AHNAK2: variants seen among roughly 807,000 people sequenced by gnomAD.
AHNAK2 encodes the protein protein AHNAK2.
Under a neutral mutation model 30.7 loss-of-function variants are expected in AHNAK2, and 18 were observed. The observed-to-expected ratio is 0.59, with a 90% CI of 0.41 to 0.87. AHNAK2 has a LOEUF of 0.87. Ranked by LOEUF, AHNAK2 falls within the 40% of genes least tolerant of loss-of-function variation. The probability of loss-of-function intolerance (pLI) is 0.00; values close to 1 mark genes in which losing one functional copy is unlikely to be tolerated. For synonymous variants in AHNAK2, 3,590 were observed against 3,073.8 expected (o/e 1.17, Z -5.56); for missense variants, 8,604 against 7,373.0 (o/e 1.17, Z -6.11).
chr14:104,940,549 T>C lies in AHNAK2; in HGVS notation c.14902A>G (p.Lys4968Glu). The C allele has an allele frequency of 6.2e-7, 1 of 1,613,696 alleles. No individual in the cohort carries two copies. Among genetic ancestry groups the C allele is most frequent in the East Asian group, 2.2e-5 (1 of 44,876 alleles). Reference protein sequence around the residue: ...IKLPSFRWSPKKETGPKVDPE... With the variant: ...IKLPSFRWSPEKETGPKVDPE... Reference sequence around the variant, plus strand: ...TCCACCTTTGGCCCTGTTTCCTTCTTCGGGGACCACCTAAATGATGGAAGC... The same window carrying C: ...TCCACCTTTGGCCCTGTTTCCTTCTCCGGGGACCACCTAAATGATGGAAGC... Residue 4968 changes from lysine to glutamate, a missense_variant, in exon 7 of 7, where the codon AAG (lysine) becomes GAG (glutamate). Physicochemically the swap from Lys to Glu is moderately conservative, Grantham distance 56. Transcript: ENST00000333244. The surrounding 1 kb of genome is among the most constrained non-coding windows in gnomAD (Gnocchi z 4.4).
chr14:104,960,919 G>A (rs1899116531), intron 1 of AHNAK2, among the ~76,000 whole-genome samples: 1 of 150,068 alleles, frequency 6.7e-6, no homozygotes, highest in Admixed American at 6.7e-5. Flanking sequence ...ATCACTTGAG[G>A]CCAGGAGTTT....
At position 104,949,108 on chromosome 14, in the gene AHNAK2, A is replaced by G. The variant is rs1898496289; in HGVS notation, c.6343T>C (p.Ser2115Pro). The G allele has an allele frequency of 2.8e-6, 3 of 1,068,684 alleles. 1 individual carries two copies. In the Admixed American group the frequency reaches 6.4e-5, roughly 23 times the overall value. 66.2% of individuals were successfully genotyped at this position (1,068,684 alleles called of 1,614,324 possible). The change falls in exon 7 of 7, where the codon TCT becomes CCT. Residue 2115 changes from serine (S) to proline (P), a missense_variant. Coordinates refer to ENST00000333244, the MANE Select transcript of AHNAK2 (RefSeq NM_138420.4). Reference sequence around the variant, plus strand: ...ACGTCCACCTCCATGCTGGGCAGAGACACCTCGACATCGGGGACTCTCATT... The same window carrying G: ...ACGTCCACCTCCATGCTGGGCAGAGGCACCTCGACATCGGGGACTCTCATT... ...VEMRVPDVEV[S>P]LPSMEVDVQA...
Position 104,952,888 on chromosome 14 carries a change from A to G in AHNAK2, c.2563T>C (p.Ser855Pro), listed in dbSNP as rs754212479. ...VSAPGKSMED[S>P]VDVSAPKVEA... Reference sequence around the variant, plus strand: ...ACCTTCGGCGCAGACACATCCACCGAGTCCTCCATGGACTTGCCTGGGGCC... The same window carrying G: ...ACCTTCGGCGCAGACACATCCACCGGGTCCTCCATGGACTTGCCTGGGGCC... Residue 855 changes from serine to proline, a missense_variant, in exon 7 of 7, where the codon TCG becomes CCG. By Grantham distance (74) the Ser-to-Pro change is moderately conservative. Coordinates refer to ENST00000333244, the MANE Select transcript of AHNAK2 (RefSeq NM_138420.4). The G allele has an allele frequency of 6.2e-7, 1 of 1,611,816 alleles. No homozygotes were observed. The highest frequency in any genetic ancestry group is 8.5e-7 in the Non-Finnish European group (1 of 1,179,400).
Position 104,955,530 on chromosome 14 carries a change from T to C in AHNAK2, c.419A>G (p.Gln140Arg). The part of the protein sequence containing the change: ...GGGDQGIFVK[Q>R]VLKDSSAAKL... ...GGCGGCTGAGGAGTCCTTCAGCACT[T>C]GCTTGACGAAGATCCCCTGGTCCCC... Residue 140 changes from glutamine to arginine, a missense_variant, in exon 5 of 7, where the codon CAA (glutamine) becomes CGA (arginine). Physicochemically the swap from Gln to Arg is conservative, Grantham distance 43. Coordinates refer to ENST00000333244, the MANE Select transcript of AHNAK2 (RefSeq NM_138420.4). 1 of 1,613,674 alleles carries C rather than the reference T, an allele frequency of 6.2e-7. No homozygotes were observed. Among genetic ancestry groups the C allele is most frequent in the Non-Finnish European group, 8.5e-7 (1 of 1,179,814 alleles).
In AHNAK2 at chr14:104,953,652, G is replaced by A. The variant is rs937270094; in HGVS notation, c.1799C>T (p.Thr600Ile). 2.5e-6 allele frequency: 4 copies of A among 1,613,666 alleles called. No individual in the cohort carries two copies. The African/African-American group carries it at 5.3e-5, about 22-fold the overall frequency. The change falls in exon 7 of 7, where the codon ACA becomes ATA. Residue 600 changes from threonine (T) to isoleucine (I), a missense_variant. Physicochemically the swap from Thr to Ile is moderately conservative, Grantham distance 89. Coordinates refer to ENST00000333244, the MANE Select transcript of AHNAK2 (RefSeq NM_138420.4). Reference protein sequence around the residue: ...LGWSPSKHTKTGREKATEDTE... With the variant: ...LGWSPSKHTKIGREKATEDTE... ...GTCTTCTGTGGCTTTTTCTCTGCCT[G>A]TCTTTGTGTGCTTGCTTGGCGACCA... is the stretch of plus-strand genomic sequence containing the variant.
intron 1 of AHNAK2, among the ~76,000 whole-genome samples, chr14:104,971,000 G>A (rs568747944): frequency 6.6e-6 from 1 of 152,266 alleles, no homozygotes; most frequent in South Asian, 2.1e-4. Flanking sequence ...TCTGCCACCT[G>A]CCTGAGCCCC....
Position 104,942,237 on chromosome 14 carries a change from A to T in AHNAK2, c.13214T>A (p.Val4405Asp), listed in dbSNP as rs369532127. ...DLKGPQIDVN[V>D]PKLDLKGPKV... Reference sequence around the variant, plus strand: ...GGGGCCTTTCAGGTCCAGCTTGGGGACATTAACGTCTATCTGGGGACCCTT... The same window carrying T: ...GGGGCCTTTCAGGTCCAGCTTGGGGTCATTAACGTCTATCTGGGGACCCTT... The change falls in exon 7 of 7, where the codon GTC (valine) becomes GAC (aspartate). Residue 4405 changes from valine (V) to aspartate (D), a missense_variant. Physicochemically the swap from Val to Asp is radical, Grantham distance 152 (BLOSUM62 -3). Coordinates refer to ENST00000333244, the MANE Select transcript of AHNAK2 (RefSeq NM_138420.4). 216 of 1,602,648 alleles carry T rather than the reference A, an allele frequency of 1.3e-4. No homozygotes were observed. The highest frequency in any genetic ancestry group is 1.8e-4 in the Non-Finnish European group (207 of 1,175,374).
Position 104,941,418 on chromosome 14 carries a change from T to C in AHNAK2, c.14033A>G (p.His4678Arg). Residue 4678 changes from histidine (H) to arginine (R), a missense_variant, in exon 7 of 7, where the codon CAT becomes CGT. Physicochemically the swap from His to Arg is conservative, Grantham distance 29. Coordinates refer to ENST00000333244, the MANE Select transcript of AHNAK2 (RefSeq NM_138420.4). The part of the protein sequence containing the change: ...VESVVHEGDL[H>R]DPSRDGNLGL... Reference sequence around the variant, plus strand: ...CAAGTTACCATCGCGAGATGGATCATGAAGATCACCTTCATGAACAACAGA... The same window carrying C: ...CAAGTTACCATCGCGAGATGGATCACGAAGATCACCTTCATGAACAACAGA... The C allele has an allele frequency of 1.2e-6, 2 of 1,613,222 alleles. No individual in the cohort carries two copies. The highest frequency in any genetic ancestry group is 1.7e-6 in the Non-Finnish European group (2 of 1,179,790).
rs1360091219 is a variant in AHNAK2 at position 104,943,706 on chromosome 14, T to G, written c.11745A>C (p.Leu3915=). 1 of 1,610,906 alleles carries G rather than the reference T, an allele frequency of 6.2e-7. No homozygotes were observed. The highest frequency in any genetic ancestry group is 8.5e-7 in the Non-Finnish European group (1 of 1,178,838). Residue 3915 remains leucine, a synonymous_variant, in exon 7 of 7, where the codon CTA becomes CTC. Transcript: ENST00000333244. ...EIDIKGPKLD[L]KDPKVEVTAP... is the part of the protein sequence containing the mutation. ...CTGTCACTTCCACCTTGGGGTCTTT[T>G]AGGTCCAGCTTGGGGCCCTTGATGT... is the stretch of plus-strand genomic sequence containing the variant.
rs1897890069 is a variant in AHNAK2 at position 104,938,844 on chromosome 14, G to T, written c.16607C>A (p.Thr5536Lys). Residue 5536 changes from threonine to lysine, a missense_variant, in exon 7 of 7, where the codon ACA (threonine) becomes AAA (lysine). Transcript: ENST00000333244. ...AGTCCTAGAGTGTTGAGTCATTGTT[G>T]TGTACACTCTAGCCTGCGTGTGGGG... The part of the protein sequence containing the change: ...PEPHTQARVY[T>K]TMTQHSRTQE... The T allele has an allele frequency of 1.2e-6, 2 of 1,613,800 alleles. No homozygotes were observed. The highest frequency in any genetic ancestry group is 1.7e-6 in the Non-Finnish European group (2 of 1,179,900).
intron 1 of AHNAK2, among the ~76,000 whole-genome samples, chr14:104,977,216 C>T (rs1400551608): frequency 6.6e-6 from 1 of 152,202 alleles, no homozygotes; most frequent in Non-Finnish European, 1.5e-5. Context: ...CCAGCCTGCA[C>T]CAGTGCCGGC....
Position 104,940,643 on chromosome 14 carries a change from A to G in AHNAK2, c.14808T>C (p.Pro4936=). 1.2e-6 allele frequency: 2 copies of G among 1,613,504 alleles called. No homozygotes were observed. Among genetic ancestry groups the G allele is most frequent in the Non-Finnish European group, 1.7e-6 (2 of 1,179,854 alleles). ...VASLQTSVVA[P]GEAPSEDADH... ...CAGCATCTTCAGAAGGGGCTTCTCCAGGGGCCACTACTGATGTCTGCAAGG... is the reference window on the plus strand; with the variant it reads ...CAGCATCTTCAGAAGGGGCTTCTCCGGGGGCCACTACTGATGTCTGCAAGG... Residue 4936 remains proline, a synonymous_variant, in exon 7 of 7, where the codon CCT becomes CCC. Transcript: ENST00000333244. The surrounding 1 kb of genome is among the most constrained non-coding windows in gnomAD (Gnocchi z 4.4).
At chr14:104,963,413 C>T (rs968891223) in intron 1 of AHNAK2, among the ~76,000 whole-genome samples, 1 of 152,140 alleles carries the variant, frequency 6.6e-6, no homozygotes, top group African/African-American at 2.4e-5. Flanking sequence ...ATGTGGATTA[C>T]AGATCCAAAA....
chr14:104,956,309 C>T (rs966323152), intron 4 of AHNAK2, among the ~76,000 whole-genome samples: 1 of 152,098 alleles, frequency 6.6e-6, no homozygotes, highest in Non-Finnish European at 1.5e-5. Flanking sequence ...AGGAGAAAAT[C>T]GAGGTCTGTA....
chr14:104,943,953 A>T lies in AHNAK2; in HGVS notation c.11498T>A (p.Val3833Glu). The change falls in exon 7 of 7, where the codon GTG (valine) becomes GAG (glutamate). Residue 3833 changes from valine to glutamate, a missense_variant. Transcript: ENST00000333244. ...GGAGGGGAGACTCACATCGGCCTCC[A>T]CCTTGGGTGCAGACACGTGCACCGA... ...EASVHVSAPK[V>E]EADVSLPSMQ... 2 of 1,612,616 alleles carry T rather than the reference A, an allele frequency of 1.2e-6. No homozygotes were observed. Among genetic ancestry groups the T allele is most frequent in the Non-Finnish European group, 1.7e-6 (2 of 1,179,402 alleles).
In AHNAK2 at chr14:104,954,323, C is replaced by T. The variant is rs778568498; in HGVS notation, c.1128G>A (p.Arg376=). ...LEETGAATGS[R]REERAEQDRE... is the part of the protein sequence containing the mutation. ...GATCCTGTTCTGCCCTCTCCTCTCT[C>T]CTGCTGCCTGTGGCAGCCCCAGTCT... The change falls in exon 7 of 7, where the codon AGG becomes AGA. Residue 376 remains arginine, a synonymous_variant. Coordinates refer to ENST00000333244, the MANE Select transcript of AHNAK2 (RefSeq NM_138420.4). The surrounding 1 kb of genome is among the most constrained non-coding windows in gnomAD (Gnocchi z 4.3). The T allele has an allele frequency of 3.2e-5, 51 of 1,613,676 alleles. 1 individual carries two copies. The East Asian group carries it at 8.5e-4, about 27-fold the overall frequency.
chr14:104,970,528 C>T lies in AHNAK2; in HGVS notation c.55+7655G>A, dbSNP rs1295735500. On this transcript the variant is annotated intron_variant, in intron 1 of 6. Coordinates refer to ENST00000333244, the MANE Select transcript of AHNAK2 (RefSeq NM_138420.4). ...CAACTGGCCACCTCCCCCTGCCACG[C>T]CCGGTTCTTCCCTCCACAGCTCCTC... The T allele has an allele frequency of 5.1e-6, 5 of 985,498 alleles. No individual in the cohort carries two copies. The East Asian group carries it at 3.4e-4, about 67-fold the overall frequency. 61.0% of individuals were successfully genotyped at this position (985,498 alleles called of 1,614,324 possible). A position where few individuals can be genotyped will look rare whatever the true frequency, so the allele number is the denominator to read the frequency against.
Position 104,937,806 on chromosome 14 carries a change from G to A in AHNAK2, c.*257C>T. 1 of 467,912 alleles carries A rather than the reference G, an allele frequency of 2.1e-6. No homozygotes were observed. The highest frequency in any genetic ancestry group is 4.6e-5 in the South Asian group (1 of 21,906). The allele number at this position is 467,912 out of a possible 1,614,324, so 29.0% of individuals were successfully genotyped here. The stretch of plus-strand genomic sequence containing the variant: ...CCCCAGCAGTGCCTCTGAGTACCGT[G>A]TGAATTCTGGTGTCTTGTGGAAGTC... On this transcript the variant is annotated 3_prime_UTR_variant, in exon 7 of 7. Coordinates refer to ENST00000333244, the MANE Select transcript of AHNAK2 (RefSeq NM_138420.4).
Position 104,946,657 on chromosome 14 carries a change from C to G in AHNAK2, c.8794G>C (p.Val2932Leu). 1 of 1,613,054 alleles carries G rather than the reference C, an allele frequency of 6.2e-7. No individual in the cohort carries two copies. Among genetic ancestry groups the G allele is most frequent in the South Asian group, 1.1e-5 (1 of 91,042 alleles). ...KLDLKGPKAE[V>L]TAPDVEVSLP... ...GACACCTCCACGTCGGGGGCCGTCA[C>G]CTCCGCCTTGGGGCCTTTCAGGTCC... is the stretch of plus-strand genomic sequence containing the variant. Residue 2932 changes from valine to leucine, a missense_variant, in exon 7 of 7, where the codon GTG becomes CTG. Physicochemically the swap from Val to Leu is conservative, Grantham distance 32 (BLOSUM62 1). Transcript: ENST00000333244.
Sources: gnomAD v4.1 joint callset for allele counts (sites outside exome capture counted in the v4.1 genomes callset) on GRCh38, gnomAD v4.1.1 for gene constraint, Gnocchi (gnomAD v3.1) non-coding constraint, MANE v1.5 for transcripts, NCBI Gene and HGNC (gene_info 2026-07-23, HGNC 2026-07-21) for gene names.